AARS1: variants seen among roughly 807,000 people sequenced by gnomAD.
AARS1 encodes alanine--tRNA ligase, cytoplasmic.
Under a neutral mutation model 108.9 loss-of-function variants are expected in AARS1, and 72 were observed. The observed-to-expected ratio is 0.66, with a 90% confidence interval of 0.55 to 0.80. AARS1 has a LOEUF of 0.80. AARS1 is among the 30% of genes least tolerant of loss of function. AARS1 has a pLI of 0.00. For synonymous variants in AARS1, 489 were observed against 465.7 expected, an observed-to-expected ratio of 1.05 and a Z score of -0.64; for missense variants, 1,193 against 1,233.2, an observed-to-expected ratio of 0.97 and a Z score of 0.49.
chr16:70,282,245 C>T (rs764072198), intron 2 of AARS1, among the ~76,000 whole-genome samples: 3 of 144,298 alleles, frequency 2.1e-5, no homozygotes, highest in Non-Finnish European at 4.5e-5. Flanking sequence ...AGGAGAATGG[C>T]GTGAATCCAG....
chr16:70,254,801 G>A, intron 16 of AARS1, 67 bp from the exon 17 acceptor site: 2 of 1,118,592 alleles, frequency 1.8e-6, no homozygotes, highest in East Asian at 2.4e-5. Context: ...CTGTGTCTGA[G>A]CAGCTGCGGA....
intron 2 of AARS1, 72 bp downstream of exon 2, chr16:70,282,548 G>T (rs1960726953): frequency 2.5e-6 from 4 of 1,576,678 alleles, no homozygotes; most frequent in Non-Finnish European, 3.5e-6. Context: ...CTGACCCCAG[G>T]GCTGTGCTTT....
chr16:70,286,095 CTA>C (rs1960831481), intron 1 of AARS1, among the ~76,000 whole-genome samples: 1 of 152,130 alleles, frequency 6.6e-6, no homozygotes, highest in Non-Finnish European at 1.5e-5. Context: ...AATATATTAA[CTA>C]TGAGTCTATG....
chr16:70,277,224 G>C, intron 2 of AARS1, 70 bp from the exon 3 acceptor site: 1 of 1,452,328 alleles, frequency 6.9e-7, no homozygotes, highest in Non-Finnish European at 9.7e-7. Context: ...ACACTAGCAG[G>C]AAGAGACGAC....
rs549523841 is a variant in AARS1 at position 70,259,277 on chromosome 16, G to C, written c.1786-91C>G. 5 of 1,340,922 alleles carry C rather than the reference G, an allele frequency of 3.7e-6. No homozygotes were observed. In the African/African-American group the frequency reaches 4.3e-5, roughly 12 times the overall value. 83.1% of individuals were successfully genotyped at this position (1,340,922 alleles called of 1,614,324 possible). A position where few individuals can be genotyped will look rare whatever the true frequency, so the allele number is the denominator to read the frequency against. ...GCTCCCCCGAGTGCTACAATTTTTA[G>C]TTGGAAATATGGCTGTGCAGAATAA... is the stretch of plus-strand genomic sequence containing the variant. On this transcript the variant is annotated intron_variant, in intron 13 of 20. Coordinates refer to ENST00000261772, the MANE Select transcript of AARS1 (RefSeq NM_001605.3).
chr16:70,271,444 C>T (rs1960399532), intron 5 of AARS1, among the ~76,000 whole-genome samples: 1 of 151,780 alleles, frequency 6.6e-6, no homozygotes, highest in South Asian at 2.1e-4. Context: ...AGGAGAATCG[C>T]TTGAACCCAG....
At chr16:70,287,160 CAGG>C (rs1355915762) in intron 1 of AARS1, among the ~76,000 whole-genome samples, 12 of 144,106 alleles carry the variant, frequency 8.3e-5, no homozygotes, top group Non-Finnish European at 1.6e-4. Flanking sequence ...GAGGCTGAGG[CAGG>C]AGAATGGCGT....
chr16:70,271,676 G>T, intron 5 of AARS1, 105 bp downstream of exon 5: 1 of 1,172,700 alleles, frequency 8.5e-7, no homozygotes. Context: ...GGTAATCTGA[G>T]AAATAAAGAA....
At chr16:70,263,729 C>T (rs928331909) in intron 11 of AARS1, among the ~76,000 whole-genome samples, 8 of 152,018 alleles carry the variant, frequency 5.3e-5, no homozygotes, top group Non-Finnish European at 1.2e-4. Flanking sequence ...CTCAATCTCC[C>T]AGGCTCAAGT....
intron 7 of AARS1, among the ~76,000 whole-genome samples, chr16:70,269,358 A>C (rs1034826971): frequency 2.2e-5 from 3 of 136,056 alleles, no homozygotes; most frequent in East Asian, 2.1e-4. Context: ...AAAAAAAAAA[A>C]AACAACCGTC....
At chr16:70,284,924 C>T (rs1960802419) in intron 1 of AARS1, among the ~76,000 whole-genome samples, 1 of 152,158 alleles carries the variant, frequency 6.6e-6, no homozygotes, top group African/African-American at 2.4e-5. Context: ...TATTTGGAAG[C>T]AATCTATAAA....
Position 70,258,088 on chromosome 16 carries a change from C to T in AARS1, c.2122G>A (p.Asp708Asn). 6.2e-7 allele frequency: 1 copy of T among 1,614,112 alleles called. No homozygotes were observed. The highest frequency in any genetic ancestry group is 8.5e-7 in the Non-Finnish European group (1 of 1,180,028). ...GAGCCAGCAGGCCCAGAGGGGTCAT[C>T]CAGCAACTCGGACACCGGGACCCCA... is the stretch of plus-strand genomic sequence containing the variant. ...SIGVPVSELL[D>N]DPSGPAGSLT... is the part of the protein sequence containing the mutation. Residue 708 changes from aspartate to asparagine, a missense_variant, in exon 15 of 21, where the codon GAT becomes AAT. By Grantham distance (23) the Asp-to-Asn change is conservative. Coordinates refer to ENST00000261772, the MANE Select transcript of AARS1 (RefSeq NM_001605.3).
chr16:70,261,597 CAA>C (rs1182697811), intron 12 of AARS1, among the ~76,000 whole-genome samples: 6 of 58,372 alleles, frequency 1.0e-4, no homozygotes, highest in Admixed American at 2.0e-4. Flanking sequence ...GACTCCATCT[CAA>C]AAAAAAAAAA....
intron 13 of AARS1, 74 bp from the exon 14 acceptor site, chr16:70,259,260 G>A (rs773583428): frequency 2.4e-4 from 355 of 1,458,030 alleles, no homozygotes; most frequent in Non-Finnish European, 3.1e-4. Context: ...CTGCTCCCCC[G>A]AGTGCTACAA....
intron 2 of AARS1, among the ~76,000 whole-genome samples, chr16:70,278,340 C>T (rs972206259): frequency 1.3e-5 from 2 of 151,786 alleles, no homozygotes; most frequent in East Asian, 3.9e-4. Flanking sequence ...CTGAGGTGGG[C>T]GGATCACCTG....
chr16:70,287,755 A>C (rs984933497), intron 1 of AARS1, among the ~76,000 whole-genome samples: 2 of 151,860 alleles, frequency 1.3e-5, no homozygotes, highest in Non-Finnish European at 2.9e-5. Context: ...ACAACAACAA[A>C]CGTAAAGACA....
At chr16:70,283,776 G>A (rs1445987200) in intron 1 of AARS1, among the ~76,000 whole-genome samples, 1 of 152,170 alleles carries the variant, frequency 6.6e-6, no homozygotes, top group Non-Finnish European at 1.5e-5. Context: ...CATCCCCCAA[G>A]AACCCTAACA....
intron 3 of AARS1, 62 bp from the exon 4 acceptor site, chr16:70,276,693 G>C (rs1412675895): frequency 4.0e-5 from 62 of 1,546,632 alleles, no homozygotes; most frequent in Non-Finnish European, 5.3e-5. Context: ...TTTAGTATGA[G>C]ACCAGATGCT....
At chr16:70,258,284 A>G in intron 14 of AARS1, 67 bp from the exon 15 acceptor site, 1 of 1,527,120 alleles carries the variant, frequency 6.5e-7, no homozygotes. Flanking sequence ...ACGAGGCAGG[A>G]AAGCATGGTC....
Sources: allele counts gnomAD v4.1 joint callset (sites outside exome capture counted in the v4.1 genomes callset), GRCh38; gene constraint gnomAD v4.1.1; transcripts MANE v1.5; gene names NCBI Gene and HGNC (gene_info 2026-07-23, HGNC 2026-07-21).